The following CNTNAP5 variants were observed in gnomAD, a reference collection of about 807,000 sequenced individuals.
CNTNAP5 encodes the protein contactin-associated protein-like 5.
In CNTNAP5, 72 loss-of-function variants were observed where a neutral mutation model predicts 150.2. The observed-to-expected ratio is 0.48, with a 90% confidence interval of 0.40 to 0.58. The LOEUF (loss-of-function observed/expected upper bound fraction) is 0.58. Ranked by LOEUF, CNTNAP5 falls within the 20% of genes least tolerant of loss-of-function variation. The pLI is 0.00. For missense variants in CNTNAP5, 1,636 were observed against 1,626.2 expected (o/e 1.01, Z -0.10); for synonymous variants, 672 against 619.8 (o/e 1.08, Z -1.25).
At position 124,869,801 on chromosome 2, in the gene CNTNAP5, T is replaced by G. The variant is rs760125814; in HGVS notation, c.3436+39T>G. Reference sequence around the variant, plus strand: ...GTTCATACCTTTCCAGTGGGCTTTATTAAAATAAATGAATGCATAATTTTC... The same window carrying G: ...GTTCATACCTTTCCAGTGGGCTTTAGTAAAATAAATGAATGCATAATTTTC... On this transcript the variant is annotated intron_variant, in intron 21 of 23. Transcript: ENST00000682447. 45 of 1,237,208 alleles carry G rather than the reference T, an allele frequency of 3.6e-5. No homozygotes were observed. The Admixed American group carries it at 8.0e-4, about 22-fold the overall frequency. 76.6% of individuals were successfully genotyped at this position (1,237,208 alleles called of 1,614,324 possible).
In CNTNAP5 at chr2:124,491,063, G is replaced by A. The variant is rs533736795; in HGVS notation, c.1063-13229G>A. Among the ~76,000 whole-genome samples the A allele has an allele frequency of 3.9e-4, 60 of 152,204 alleles. No homozygotes were observed. The Middle Eastern group carries it at 0.014, about 35-fold the overall frequency. On this transcript the variant is annotated intron_variant, in intron 7 of 23. Transcript: ENST00000682447. ...AGTATATATGTTCAAGGTGTACAATGTGATAATTTGATGTATGTATACATT... is the reference window on the plus strand; with the variant it reads ...AGTATATATGTTCAAGGTGTACAATATGATAATTTGATGTATGTATACATT...
chr2:124,739,170 A>G (rs1233465259), intron 13 of CNTNAP5, among the ~76,000 whole-genome samples: 1 of 152,230 alleles, frequency 6.6e-6, no homozygotes, highest in East Asian at 1.9e-4. Flanking sequence ...GCTCACTTCA[A>G]TTCAACAGGC....
chr2:124,435,489 A>AAAAG (rs1176151357), intron 5 of CNTNAP5, among the ~76,000 whole-genome samples: 1 of 152,182 alleles, frequency 6.6e-6, no homozygotes, highest in South Asian at 2.1e-4. Flanking sequence ...TTCTATAGAA[A>AAAAG]AAAGAAAGAA....
At chr2:124,048,814 AT>A (rs1681612661) in intron 1 of CNTNAP5, among the ~76,000 whole-genome samples, 1 of 152,220 alleles carries the variant, frequency 6.6e-6, no homozygotes, top group Non-Finnish European at 1.5e-5. Context: ...AATGCTAACC[AT>A]TTTGGATGTC....
intron 1 of CNTNAP5, among the ~76,000 whole-genome samples, chr2:124,111,653 G>A (rs1001464364): frequency 6.6e-5 from 10 of 152,144 alleles, no homozygotes; most frequent in Non-Finnish European, 5.9e-5. Context: ...TCACAAAAGG[G>A]AATATCAAAC....
At chr2:124,895,990 T>A (rs902937101) in intron 21 of CNTNAP5, among the ~76,000 whole-genome samples, 3 of 151,574 alleles carry the variant, frequency 2.0e-5, no homozygotes, top group Non-Finnish European at 2.9e-5. Flanking sequence ...GGAGTCACTG[T>A]AAACAGAACA....
At chr2:124,819,751 G>GA (rs754306327) in intron 19 of CNTNAP5, among the ~76,000 whole-genome samples, 2 of 152,054 alleles carry the variant, frequency 1.3e-5, no homozygotes, top group Admixed American at 6.6e-5. Flanking sequence ...AAAACTGTAA[G>GA]AAAAAACAGA....
intron 3 of CNTNAP5, among the ~76,000 whole-genome samples, chr2:124,372,618 G>A (rs987374745): frequency 6.6e-6 from 1 of 152,020 alleles, no homozygotes; most frequent in Non-Finnish European, 1.5e-5. Flanking sequence ...ACCTATGGAT[G>A]GTAGCAGAGT....
chr2:124,826,599 T>C (rs1465455022), intron 19 of CNTNAP5, among the ~76,000 whole-genome samples: 1 of 152,220 alleles, frequency 6.6e-6, no homozygotes, highest in South Asian at 2.1e-4. Flanking sequence ...CAGAAGGAGC[T>C]TCACTTGTGG....
intron 7 of CNTNAP5, among the ~76,000 whole-genome samples, chr2:124,501,977 A>G (rs1220677946): frequency 1.3e-5 from 2 of 152,182 alleles, no homozygotes; most frequent in Admixed American, 1.3e-4. Flanking sequence ...GGCAAGAATG[A>G]TAGAGGGAAG....
intron 3 of CNTNAP5, among the ~76,000 whole-genome samples, chr2:124,276,201 G>A (rs1265279520): frequency 6.6e-6 from 1 of 152,068 alleles, no homozygotes; most frequent in African/African-American, 2.4e-5. Flanking sequence ...GATTTACCTT[G>A]TGTGATATAA....
At chr2:124,521,805 T>C (rs990142696) in intron 8 of CNTNAP5, among the ~76,000 whole-genome samples, 9 of 152,312 alleles carry the variant, frequency 5.9e-5, no homozygotes, top group African/African-American at 2.2e-4. Context: ...TACAATTGAC[T>C]GTGCTCCCCA....
At chr2:124,477,863 C>G (rs916210691) in intron 7 of CNTNAP5, among the ~76,000 whole-genome samples, 1 of 151,884 alleles carries the variant, frequency 6.6e-6, no homozygotes, top group Non-Finnish European at 1.5e-5. Context: ...AGCCTAATGT[C>G]AGAAATATTA....
chr2:124,589,353 C>T (rs1696626724), intron 11 of CNTNAP5, among the ~76,000 whole-genome samples: 1 of 152,152 alleles, frequency 6.6e-6, no homozygotes. Context: ...TGTGTTGTAG[C>T]ATGTCTCATT....
At position 124,351,047 on chromosome 2, in the gene CNTNAP5, C is replaced by T. The variant is rs182439206; in HGVS notation, c.382-66396C>T. Among the ~76,000 whole-genome samples, 163 of 152,298 alleles carry T rather than the reference C, an allele frequency of 1.1e-3. 1 individual carries two copies. Among genetic ancestry groups the T allele is most frequent in the Admixed American group, 7.4e-3 (113 of 15,302 alleles). The stretch of plus-strand genomic sequence containing the variant: ...TCTTCTGTATCATTCTCTGATATCA[C>T]CTTATCTGTACACGACAGATAGTGT... On this transcript the variant is annotated intron_variant, in intron 3 of 23. Transcript: ENST00000682447.
chr2:124,826,445 T>C (rs1385430785), intron 19 of CNTNAP5, among the ~76,000 whole-genome samples: 2 of 152,042 alleles, frequency 1.3e-5, no homozygotes, highest in African/African-American at 4.8e-5. Flanking sequence ...AGATGAAGTG[T>C]GGAGCTTCCA....
chr2:124,548,712 A>G (rs978150553), intron 10 of CNTNAP5, among the ~76,000 whole-genome samples: 1 of 152,218 alleles, frequency 6.6e-6, no homozygotes, highest in Non-Finnish European at 1.5e-5. Flanking sequence ...ACCATCTGCA[A>G]GTATAAGTGA....
At chr2:124,725,247 A>T (rs900056106) in intron 13 of CNTNAP5, among the ~76,000 whole-genome samples, 1 of 151,966 alleles carries the variant, frequency 6.6e-6, no homozygotes, top group Non-Finnish European at 1.5e-5. Flanking sequence ...TTTTACTAGG[A>T]CAGTCTTCAT....
intron 1 of CNTNAP5, among the ~76,000 whole-genome samples, chr2:124,195,373 C>A (rs533658710): frequency 4.6e-5 from 7 of 152,220 alleles, no homozygotes; most frequent in South Asian, 2.1e-4. Context: ...AACCCCCTTG[C>A]GCAGGGGGCT....
Sources: allele counts gnomAD v4.1 joint callset (sites outside exome capture counted in the v4.1 genomes callset), GRCh38; gene constraint gnomAD v4.1.1; transcripts MANE v1.5; gene names NCBI Gene and HGNC (gene_info 2026-07-23, HGNC 2026-07-21).